Variants in POLD1 observed in about 807,000 individuals in gnomAD.
POLD1 encodes DNA polymerase delta catalytic subunit.
POLD1 carries 79 observed loss-of-function variants against 129.7 expected under a neutral mutation model. The observed-to-expected ratio is 0.61, with a 90% confidence interval of 0.51 to 0.73. The LOEUF (loss-of-function observed/expected upper bound fraction) is 0.73, where lower values mean the gene tolerates loss of function less well. Ranked by LOEUF, POLD1 falls within the 30% of genes least tolerant of loss-of-function variation. The pLI, the probability that POLD1 is intolerant of heterozygous loss-of-function variation, is 0.00. For missense variants in POLD1, 1,338 were observed against 1,595.8 expected (o/e 0.84, Z 2.75); for synonymous variants, 714 against 683.3 (o/e 1.04, Z -0.70).
At chr19:50,394,376 G>A (rs1252361332) in intron 1 of POLD1, among the ~76,000 whole-genome samples, 1 of 152,206 alleles carries the variant, frequency 6.6e-6, no homozygotes, top group East Asian at 1.9e-4. Context: ...GCAAAGCCGG[G>A]CGCGGTGGCT....
chr19:50,385,854 C>A (rs553354078), intron 1 of POLD1, among the ~76,000 whole-genome samples: 1 of 151,940 alleles, frequency 6.6e-6, no homozygotes, highest in Admixed American at 6.6e-5. Flanking sequence ...TGCACTTCCC[C>A]CCCACAGGTC....
chr19:50,402,939 C>G, intron 8 of POLD1, 114 bp from the exon 9 acceptor site: 1 of 1,396,302 alleles, frequency 7.2e-7, no homozygotes. Flanking sequence ...CAGGGTGAGC[C>G]ACGTAGGGCC....
intron 14 of POLD1, among the ~76,000 whole-genome samples, chr19:50,407,725 A>ATTTTTTTTTT (rs571759517): frequency 1.0e-5 from 1 of 95,324 alleles, no homozygotes; most frequent in African/African-American, 4.7e-5. Flanking sequence ...CGCCTGGCTA[A>ATTTTTTTTTT]TTTTTTTTTT....
In POLD1 at chr19:50,412,242, TC is replaced by T. The variant is rs536602590; in HGVS notation, c.2155-1181del. Among the ~76,000 whole-genome samples the T allele has an allele frequency of 3.4e-4, 51 of 152,208 alleles. No individual in the cohort carries two copies. In the South Asian group the frequency reaches 0.01, roughly 31 times the overall value. On this transcript the variant is annotated intron_variant, in intron 17 of 26. Transcript: ENST00000440232. ...ATCTTGGCTCACTGCGACCTCTCCC[TC>T]CCGGGTTCAAGTGATTCTCCTGCCT...
intron 8 of POLD1, 75 bp downstream of exon 8, chr19:50,402,816 G>C (rs2122263804): frequency 1.3e-6 from 2 of 1,529,494 alleles, no homozygotes; most frequent in Non-Finnish European, 1.8e-6. Flanking sequence ...AGGTCCGGTG[G>C]AGGGAATGGC....
chr19:50,395,713 C>A (rs2038336283), intron 1 of POLD1, among the ~76,000 whole-genome samples: 1 of 152,134 alleles, frequency 6.6e-6, no homozygotes, highest in Admixed American at 6.6e-5. Flanking sequence ...TACGTACACT[C>A]ACTTTTTACA....
At chr19:50,397,057 C>T (rs2038394694) in intron 1 of POLD1, among the ~76,000 whole-genome samples, 1 of 138,918 alleles carries the variant, frequency 7.2e-6, no homozygotes, top group African/African-American at 2.7e-5. Flanking sequence ...CACCACTGCA[C>T]TCCAGCCTGG....
intron 14 of POLD1, among the ~76,000 whole-genome samples, chr19:50,408,250 G>A (rs1315587047): frequency 1.3e-5 from 2 of 149,122 alleles, no homozygotes; most frequent in Non-Finnish European, 3.0e-5. Flanking sequence ...CAGAAGAATC[G>A]CTTGAACCCG....
rs376946722 is a variant in POLD1, at chr19:50,414,893, C to T, written c.2467C>T (p.Arg823Cys). Reference protein sequence around the residue: ...LFSSRPDAHDRMDCKGLEAVR... With the variant: ...LFSSRPDAHDCMDCKGLEAVR... Reference sequence around the variant, plus strand: ...CTCCTCCCGGCCCGACGCCCACGACCGCATGGACTGCAAGGGCCTGGAGGC... The same window carrying T: ...CTCCTCCCGGCCCGACGCCCACGACTGCATGGACTGCAAGGGCCTGGAGGC... The change falls in exon 20 of 27, where the codon CGC becomes TGC. Residue 823 changes from arginine to cysteine, a missense_variant. By Grantham distance (180) the Arg-to-Cys change is radical (BLOSUM62 -3). This residue lies in a region of POLD1 where 720 missense variants were observed against 1,002.6 expected (regional missense o/e 0.72). Transcript: ENST00000440232. 61 of 1,609,678 alleles carry T rather than the reference C, an allele frequency of 3.8e-5. No individual in the cohort carries two copies. Among genetic ancestry groups the T allele is most frequent in the African/African-American group, 5.3e-5 (4 of 74,828 alleles).
In POLD1 at chr19:50,409,720, G is replaced by C; in HGVS notation, c.2154+54G>C. The stretch of plus-strand genomic sequence containing the variant: ...TGGGGGCAGGTGGGCCCCCTGTGTA[G>C]GAGACCAGGGCTCCATGTGGGGGAC... On this transcript the variant is annotated intron_variant, in intron 17 of 26. Coordinates refer to ENST00000440232, the MANE Select transcript of POLD1 (RefSeq NM_002691.4). The surrounding 1 kb of genome is among the most constrained non-coding windows in gnomAD (Gnocchi z 5.8). The C allele has an allele frequency of 2.0e-6, 3 of 1,536,532 alleles. No individual in the cohort carries two copies. The highest frequency in any genetic ancestry group is 2.6e-6 in the Non-Finnish European group (3 of 1,137,314).
At position 50,406,175 on chromosome 19, in the gene POLD1, T is replaced by C. The variant is rs776969479; in HGVS notation, c.1243-7T>C. On this transcript the variant is annotated splice_polypyrimidine_tract_variant and splice_region_variant and intron_variant, in intron 10 of 26. Coordinates refer to ENST00000440232, the MANE Select transcript of POLD1 (RefSeq NM_002691.4). The surrounding 1 kb of genome is among the most constrained non-coding windows in gnomAD (Gnocchi z 5.5). Reference sequence around the variant, plus strand: ...AGCCTGCTGCACACCCTGCCTCTCCTCCTCAGGTACAAACATTCCCTTTCC... The same window carrying C: ...AGCCTGCTGCACACCCTGCCTCTCCCCCTCAGGTACAAACATTCCCTTTCC... 2 of 1,611,176 alleles carry C rather than the reference T, an allele frequency of 1.2e-6. No individual in the cohort carries two copies. Among genetic ancestry groups the C allele is most frequent in the Admixed American group, 3.3e-5 (2 of 59,936 alleles).
intron 3 of POLD1, among the ~76,000 whole-genome samples, chr19:50,401,380 T>TATATAC (rs2038606429): frequency 3.4e-5 from 2 of 59,140 alleles, no homozygotes; most frequent in Non-Finnish European, 7.1e-5. Flanking sequence ...TATATATATA[T>TATATAC]ATATATATAT....
intron 1 of POLD1, among the ~76,000 whole-genome samples, chr19:50,388,038 G>A (rs968052420): frequency 6.6e-6 from 1 of 152,184 alleles, no homozygotes; most frequent in Non-Finnish European, 1.5e-5. Context: ...ACACATGAGC[G>A]ATGAACACAT....
In POLD1 at chr19:50,417,979, AC is replaced by A; in HGVS notation, c.*34del. ...AAGCATCCCATGGGGCGGGGGCGGG[AC>A]CAGGGAGAATTAATAAAGTTCTGGA... is the stretch of plus-strand genomic sequence containing the variant. On this transcript the variant is annotated 3_prime_UTR_variant, in exon 27 of 27. Coordinates refer to ENST00000440232, the MANE Select transcript of POLD1 (RefSeq NM_002691.4). The A allele has an allele frequency of 1.6e-6, 2 of 1,279,046 alleles. No individual in the cohort carries two copies. Among genetic ancestry groups the A allele is most frequent in the Non-Finnish European group, 2.3e-6 (2 of 887,436 alleles). The allele number at this position is 1,279,046 out of a possible 1,614,324, so 79.2% of individuals were successfully genotyped here. A position where few individuals can be genotyped will look rare whatever the true frequency, so the allele number is the denominator to read the frequency against.
At chr19:50,395,353 C>A (rs1199828454) in intron 1 of POLD1, among the ~76,000 whole-genome samples, 1 of 151,552 alleles carries the variant, frequency 6.6e-6, no homozygotes, top group East Asian at 2.0e-4. Flanking sequence ...CCCAGCACTT[C>A]GGGAGGCCGA....
chr19:50,386,499 G>A (rs1327674449), intron 1 of POLD1, among the ~76,000 whole-genome samples: 1 of 152,164 alleles, frequency 6.6e-6, no homozygotes, highest in African/African-American at 2.4e-5. Context: ...CCCAACTTGG[G>A]CAAGATGCTG....
chr19:50,417,745 G>C (rs1343908600), intron 26 of POLD1, 97 bp from the exon 27 acceptor site: 1 of 691,412 alleles, frequency 1.4e-6, no homozygotes, highest in Non-Finnish European at 2.6e-6. Context: ...CTGGGCAGCA[G>C]GCGGGGACCA....
In POLD1 at chr19:50,415,596, G is replaced by T; in HGVS notation, c.2717+6G>T. 1 of 1,609,046 alleles carries T rather than the reference G, an allele frequency of 6.2e-7. No individual in the cohort carries two copies. The highest frequency in any genetic ancestry group is 8.5e-7 in the Non-Finnish European group (1 of 1,177,294). On this transcript the variant is annotated splice_donor_region_variant and intron_variant, in intron 21 of 26. Transcript: ENST00000440232. ...CACGTGGAGCTGGCCGAGAGGTCCT[G>T]CGCGGGGCGGGTGGCCTGGCCAGAA...
At chr19:50,401,355 T>TATATA (rs1568617748) in intron 3 of POLD1, among the ~76,000 whole-genome samples, 1 of 123,776 alleles carries the variant, frequency 8.1e-6, no homozygotes, top group Non-Finnish European at 1.6e-5. Context: ...GTGTGTGTAT[T>TATATA]TGTGTATATG....
Sources: gnomAD v4.1 joint callset for allele counts (sites outside exome capture counted in the v4.1 genomes callset) on GRCh38, gnomAD v4.1.1 for gene constraint, gnomAD v4.1.1 regional missense constraint, Gnocchi (gnomAD v3.1) non-coding constraint, MANE v1.5 for transcripts, NCBI Gene and HGNC (gene_info 2026-07-23, HGNC 2026-07-21) for gene names.